The following UBE2K variants were observed in gnomAD, a reference collection of about 807,000 sequenced individuals.
UBE2K encodes the protein ubiquitin-conjugating enzyme E2 K.
Under a neutral mutation model 30.0 loss-of-function variants are expected in UBE2K, and 6 were observed. The observed-to-expected ratio is 0.20, with a 90% confidence interval of 0.11 to 0.39. UBE2K has a LOEUF of 0.39. UBE2K is among the 10% of genes least tolerant of loss of function. The pLI, the probability that UBE2K is intolerant of heterozygous loss-of-function variation, is 1.00. For synonymous variants in UBE2K, 86 were observed against 83.7 expected (o/e 1.03, Z -0.15); for missense variants, 61 against 241.6 (o/e 0.25, Z 4.96).
At position 39,781,745 on chromosome 4, in the gene UBE2K, GTTAACT is replaced by G. The variant is rs1270121790; in HGVS notation, c.*3315_*3320del. 2.5e-6 allele frequency: 1 copy of G among 393,138 alleles called. No individual in the cohort carries two copies. The highest frequency in any genetic ancestry group is 1.4e-4 in the South Asian group (1 of 6,980). The allele number at this position is 393,138 out of a possible 1,614,324, so 24.4% of individuals were successfully genotyped here. A position where few individuals can be genotyped will look rare whatever the true frequency, so the allele number is the denominator to read the frequency against. On this transcript the variant is annotated 3_prime_UTR_variant, in exon 7 of 7. Transcript: ENST00000261427. Reference sequence around the variant, plus strand: ...GGAAAAAGGAAGCCGTCTGTTTACAGTTAACTTTATTTCATGGACTTCTACAAAATG... The same window carrying G: ...GGAAAAAGGAAGCCGTCTGTTTACAGTTATTTCATGGACTTCTACAAAATG...
intron 3 of UBE2K, among the ~76,000 whole-genome samples, chr4:39,751,713 C>T: frequency 6.6e-6 from 1 of 152,140 alleles, no homozygotes; most frequent in East Asian, 1.9e-4. Flanking sequence ...TGGCTCATGC[C>T]TGTAATCCTA....
chr4:39,781,928 G>A lies in UBE2K; in HGVS notation c.*3494G>A, dbSNP rs1713637125. 2.5e-6 allele frequency: 1 copy of A among 398,342 alleles called. No homozygotes were observed. Among genetic ancestry groups the A allele is most frequent in the South Asian group, 1.3e-4 (1 of 7,870 alleles). 24.7% of individuals were successfully genotyped at this position (398,342 alleles called of 1,614,324 possible). ...GTCACTGGGAAGAAGGCAACTTGAA[G>A]TATTTACTGATAAAATAGCCTTTAT... On this transcript the variant is annotated 3_prime_UTR_variant, in exon 7 of 7. Coordinates refer to ENST00000261427, the MANE Select transcript of UBE2K (RefSeq NM_005339.5).
intron 3 of UBE2K, among the ~76,000 whole-genome samples, chr4:39,750,548 TAAG>T (rs1221585041): frequency 6.6e-6 from 1 of 152,110 alleles, no homozygotes; most frequent in African/African-American, 2.4e-5. Context: ...TATATAAAAA[TAAG>T]GAGACATTAT....
chr4:39,754,582 C>T (rs1445311765), intron 3 of UBE2K, among the ~76,000 whole-genome samples: 1 of 152,116 alleles, frequency 6.6e-6, no homozygotes, highest in Non-Finnish European at 1.5e-5. Flanking sequence ...ACGATCACGG[C>T]TTGCTGCAGC....
intron 1 of UBE2K, among the ~76,000 whole-genome samples, chr4:39,725,377 CAAAAAAAAAAAAAAAAA>C (rs56021137): frequency 1.4e-5 from 1 of 69,276 alleles, no homozygotes; most frequent in African/African-American, 6.0e-5. Flanking sequence ...GACCCTGTCT[CAAAAAAAAAAAAAAAAA>C]AAAAAAAAAA....
Position 39,777,751 on chromosome 4 carries a change from G to T in UBE2K, c.469G>T (p.Val157Phe). Residue 157 changes from valine to phenylalanine, a missense_variant, in exon 6 of 7, where the codon GTT (valine) becomes TTT (phenylalanine). Physicochemically the swap from Val to Phe is conservative, Grantham distance 50. Coordinates refer to ENST00000261427, the MANE Select transcript of UBE2K (RefSeq NM_005339.5). Reference protein sequence around the residue: ...LWAHVYAGAPVSSPEYTKKIE... With the variant: ...LWAHVYAGAPFSSPEYTKKIE... ...GGCACATGTGTATGCTGGAGCACCA[G>T]TTTCTAGTCCAGAATACACCAAAAA... 6.4e-7 allele frequency: 1 copy of T among 1,570,278 alleles called. No homozygotes were observed. The highest frequency in any genetic ancestry group is 8.6e-7 in the Non-Finnish European group (1 of 1,165,532).
intron 1 of UBE2K, among the ~76,000 whole-genome samples, chr4:39,723,879 C>G (rs546406658): frequency 6.6e-6 from 1 of 152,106 alleles, no homozygotes; most frequent in Non-Finnish European, 1.5e-5. Context: ...ATGGCACAAT[C>G]GCGGCTTATT....
intron 4 of UBE2K, among the ~76,000 whole-genome samples, chr4:39,756,350 T>C: frequency 6.6e-6 from 1 of 152,246 alleles, no homozygotes; most frequent in South Asian, 2.1e-4. Context: ...TCTGTGTGCC[T>C]TAGTGTCCTC....
At position 39,734,136 on chromosome 4, in the gene UBE2K, C is replaced by T. The variant is rs984051058; in HGVS notation, c.64-3284C>T. On this transcript the variant is annotated intron_variant, in intron 1 of 6. Coordinates refer to ENST00000261427, the MANE Select transcript of UBE2K (RefSeq NM_005339.5). ...TTTTTTTTTTTTTGAGACAGAGTCT[C>T]ACTGTGTTACCCAAACTGGAGTGCA... 2.9e-5 allele frequency among the ~76,000 whole-genome samples: 4 copies of T among 138,770 alleles called. 1 individual carries two copies. In the Admixed American group the frequency reaches 3.2e-4, roughly 11 times the overall value. The allele number at this position is 138,770 out of a possible 152,430, so 91.0% of individuals were successfully genotyped here.
At chr4:39,715,206 T>C (rs1718986976) in intron 1 of UBE2K, among the ~76,000 whole-genome samples, 1 of 151,390 alleles carries the variant, frequency 6.6e-6, no homozygotes, top group South Asian at 2.1e-4. Flanking sequence ...TTTTTTGTAT[T>C]TTTTAGTAGA....
At chr4:39,705,301 G>C (rs972408061) in intron 1 of UBE2K, among the ~76,000 whole-genome samples, 1 of 147,538 alleles carries the variant, frequency 6.8e-6, no homozygotes, top group African/African-American at 2.5e-5. Flanking sequence ...GGGTTCAAGC[G>C]ACTCTCGTGC....
At chr4:39,746,365 TA>T (rs1720989899) in intron 3 of UBE2K, among the ~76,000 whole-genome samples, 1 of 152,184 alleles carries the variant, frequency 6.6e-6, no homozygotes, top group Admixed American at 6.5e-5. Context: ...GGACCCAACC[TA>T]AACTTATTTT....
intron 3 of UBE2K, among the ~76,000 whole-genome samples, chr4:39,752,335 C>CTTT (rs57289268): frequency 7.8e-5 from 5 of 64,096 alleles, no homozygotes; most frequent in African/African-American, 1.3e-4. Flanking sequence ...CTTTTTTTTT[C>CTTT]TTTTTTTTTT....
chr4:39,703,541 A>G (rs1718155105), intron 1 of UBE2K, among the ~76,000 whole-genome samples: 1 of 151,970 alleles, frequency 6.6e-6, no homozygotes, highest in Non-Finnish European at 1.5e-5. Context: ...ATTCCTGGCT[A>G]TTTATTAACT....
intron 1 of UBE2K, among the ~76,000 whole-genome samples, chr4:39,711,998 G>C (rs369055728): frequency 1.3e-5 from 2 of 150,882 alleles, no homozygotes; most frequent in African/African-American, 4.9e-5. Context: ...CCGAGATTGC[G>C]CCATTGCATT....
In UBE2K at chr4:39,757,018, G is replaced by GTTTTTTTTTTTTTT. The variant is rs1227834116; in HGVS notation, c.299+1285_299+1286insTTTTTTTTTTTTTT. Reference sequence around the variant, plus strand: ...TTTGGGTGTTTTTTTTTTGTTTTTTGTTTTTTGTTTTTTGTTTTTTTTTTG... The same window carrying GTTTTTTTTTTTTTT: ...TTTGGGTGTTTTTTTTTTGTTTTTTGTTTTTTTTTTTTTTTTTTTTGTTTTTTGTTTTTTTTTTG... On this transcript the variant is annotated intron_variant, in intron 4 of 6. Transcript: ENST00000261427. Among the ~76,000 whole-genome samples, 8 of 72,092 alleles carry GTTTTTTTTTTTTTT rather than the reference G, an allele frequency of 1.1e-4. 4 individuals carry two copies. The highest frequency in any genetic ancestry group is 3.6e-4 in the Admixed American group (2 of 5,504). The allele number at this position is 72,092 out of a possible 152,430, so 47.3% of individuals were successfully genotyped here.
intron 3 of UBE2K, among the ~76,000 whole-genome samples, chr4:39,748,839 CAAG>C (rs1721114799): frequency 6.6e-6 from 1 of 151,830 alleles, no homozygotes; most frequent in East Asian, 1.9e-4. Flanking sequence ...AAAGAACAAA[CAAG>C]AAAATGTTAT....
intron 1 of UBE2K, among the ~76,000 whole-genome samples, chr4:39,729,289 G>GT (rs1157456530): frequency 6.6e-6 from 1 of 151,884 alleles, no homozygotes; most frequent in East Asian, 1.9e-4. Flanking sequence ...CTTTCTGACT[G>GT]TATCTTCAGA....
In UBE2K at chr4:39,698,227, G is replaced by C. The variant is rs1210590642; in HGVS notation, c.-101G>C. On this transcript the variant is annotated 5_prime_UTR_variant, in exon 1 of 7. Transcript: ENST00000261427. Reference sequence around the variant, plus strand: ...TGGCAGTGTTCGTGTGCTCAGGTCTGAATCGCCGAGGGAGGAGGCGGTGGA... The same window carrying C: ...TGGCAGTGTTCGTGTGCTCAGGTCTCAATCGCCGAGGGAGGAGGCGGTGGA... 8.4e-7 allele frequency: 1 copy of C among 1,189,984 alleles called. No homozygotes were observed. 73.7% of individuals were successfully genotyped at this position (1,189,984 alleles called of 1,614,324 possible). A position where few individuals can be genotyped will look rare whatever the true frequency, so the allele number is the denominator to read the frequency against.
Sources: gnomAD v4.1 joint callset for allele counts (sites outside exome capture counted in the v4.1 genomes callset) on GRCh38, gnomAD v4.1.1 for gene constraint, MANE v1.5 for transcripts, NCBI Gene and HGNC (gene_info 2026-07-23, HGNC 2026-07-21) for gene names.